The following ADCY8 variants were observed in gnomAD, a reference collection of about 807,000 sequenced individuals.
The protein encoded by ADCY8 is adenylate cyclase type 8.
Under a neutral mutation model 119.7 loss-of-function variants are expected in ADCY8, and 51 were observed. The observed-to-expected ratio is 0.43, with a 90% CI of 0.34 to 0.54. The LOEUF (loss-of-function observed/expected upper bound fraction) is 0.54. Among genes scored for constraint, ADCY8 ranks in the 20% least tolerant of loss-of-function variants. The probability of loss-of-function intolerance (pLI) is 0.03; values close to 1 mark genes in which losing one functional copy is unlikely to be tolerated. For missense variants in ADCY8, 1,383 were observed against 1,598.8 expected, an observed-to-expected ratio of 0.87 and a Z score of 2.30; for synonymous variants, 665 against 651.0, an observed-to-expected ratio of 1.02 and a Z score of -0.33.
At chr8:130,990,655 A>G in intron 1 of ADCY8, 113 bp from the exon 2 acceptor site, 9 of 1,345,756 alleles carry the variant, frequency 6.7e-6, no homozygotes, top group Non-Finnish European at 9.2e-6. Context: ...AGTAATCCAT[A>G]TGTTTAATCG....
At chr8:130,913,442 T>C (rs1820039589) in intron 5 of ADCY8, among the ~76,000 whole-genome samples, 1 of 152,260 alleles carries the variant, frequency 6.6e-6, no homozygotes, top group South Asian at 2.1e-4. Context: ...AAACATGTGA[T>C]GTTTGTCTGG....
intron 9 of ADCY8, among the ~76,000 whole-genome samples, chr8:130,853,333 C>T (rs979809775): frequency 6.6e-6 from 1 of 152,236 alleles, no homozygotes; most frequent in African/African-American, 2.4e-5. Context: ...CCACAGATGG[C>T]ACCGTCTCAG....
intron 5 of ADCY8, among the ~76,000 whole-genome samples, chr8:130,923,008 T>C (rs927944157): frequency 2.6e-5 from 4 of 152,232 alleles, no homozygotes; most frequent in African/African-American, 9.6e-5. Flanking sequence ...TGGCAAACAT[T>C]CTATCAATAT....
Position 130,903,975 on chromosome 8 carries a change from C to T in ADCY8, c.1708G>A (p.Gly570Ser), listed in dbSNP as rs1284758146. 1 of 1,614,150 alleles carries T rather than the reference C, an allele frequency of 6.2e-7. No homozygotes were observed. The highest frequency in any genetic ancestry group is 8.5e-7 in the Non-Finnish European group (1 of 1,180,006). The change falls in exon 7 of 18, where the codon GGT becomes AGT. Residue 570 changes from glycine to serine, a missense_variant. Gly to Ser is a moderately conservative substitution (Grantham distance 56). Around this residue, in one of 2 missense-constraint regions of ADCY8, gnomAD observed 928 missense variants for 1,163.5 expected, o/e 0.80. Transcript: ENST00000286355. ...NGDYNVEEGH[G>S]KERNEFLRKH... ...CTCAGGAATTCATTCCTCTCTTTAC[C>T]ATGGCCCTCTTCCACGTTATAGTCA...
chr8:131,026,150 A>C (rs574675901), intron 1 of ADCY8, among the ~76,000 whole-genome samples: 56 of 152,316 alleles, frequency 3.7e-4, no homozygotes, highest in African/African-American at 1.3e-3. Context: ...GCTAACCCTA[A>C]GGTGATGGAA....
chr8:131,037,890 T>C (rs35361060), intron 1 of ADCY8, among the ~76,000 whole-genome samples: 13,360 of 152,222 alleles, frequency 0.088, 1,048 homozygotes, highest in African/African-American at 0.21. Flanking sequence ...AGGTTCATGG[T>C]GACTGTGATA....
At chr8:131,026,947 C>T (rs986083034) in intron 1 of ADCY8, among the ~76,000 whole-genome samples, 1 of 152,146 alleles carries the variant, frequency 6.6e-6, no homozygotes, top group African/African-American at 2.4e-5. Flanking sequence ...AAGATTGAGG[C>T]TCTTGTCAGT....
chr8:130,845,928 G>C (rs765668439), intron 11 of ADCY8, among the ~76,000 whole-genome samples: 1 of 152,170 alleles, frequency 6.6e-6, no homozygotes, highest in South Asian at 2.1e-4. Context: ...AACCAGCACT[G>C]AGCAAGCTGC....
intron 1 of ADCY8, among the ~76,000 whole-genome samples, chr8:131,003,883 G>C (rs1823031317): frequency 6.6e-6 from 1 of 152,100 alleles, no homozygotes; most frequent in African/African-American, 2.4e-5. Flanking sequence ...AGGAGGTGGA[G>C]GAGGAGAAGA....
chr8:130,786,706 A>G (rs1563663665), intron 15 of ADCY8, among the ~76,000 whole-genome samples: 1 of 152,222 alleles, frequency 6.6e-6, no homozygotes, highest in Admixed American at 6.5e-5. Flanking sequence ...TCAGATGTTA[A>G]AAATAAATAC....
intron 15 of ADCY8, among the ~76,000 whole-genome samples, chr8:130,793,957 G>A (rs540219869): frequency 7.6e-4 from 115 of 152,302 alleles, no homozygotes; most frequent in African/African-American, 2.7e-3. Flanking sequence ...AATTTTTAAA[G>A]CTAAGAAGAG....
chr8:130,884,935 C>T (rs1396985070), intron 7 of ADCY8, among the ~76,000 whole-genome samples, 174 bp from the exon 8 acceptor site: 1 of 152,070 alleles, frequency 6.6e-6, no homozygotes, highest in African/African-American at 2.4e-5. Context: ...AGAAATACAA[C>T]CTGGCAAAAT....
At chr8:130,837,829 A>C (rs566766389) in intron 11 of ADCY8, among the ~76,000 whole-genome samples, 1 of 152,370 alleles carries the variant, frequency 6.6e-6, no homozygotes, top group South Asian at 2.1e-4. Context: ...GGGAGTCATA[A>C]TTCCTATTTT....
chr8:130,986,949 G>C (rs1563756577), intron 2 of ADCY8, among the ~76,000 whole-genome samples: 1 of 152,126 alleles, frequency 6.6e-6, no homozygotes, highest in Non-Finnish European at 1.5e-5. Context: ...TAGGTCATAC[G>C]TATCTTGTCA....
chr8:131,008,192 A>C lies in ADCY8; in HGVS notation c.961-17650T>G, dbSNP rs181527154. On this transcript the variant is annotated intron_variant, in intron 1 of 17. Coordinates refer to ENST00000286355, the MANE Select transcript of ADCY8 (RefSeq NM_001115.3). ...AGGATGCTGAAGCAAAGACAAGTTA[A>C]GTAACTTGCTTCAGCTCACCCCTCC... Among the ~76,000 whole-genome samples, 5 of 152,312 alleles carry C rather than the reference A, an allele frequency of 3.3e-5. No homozygotes were observed. In the East Asian group the frequency reaches 9.6e-4, roughly 29 times the overall value.
At chr8:130,832,951 C>A (rs758287452) in intron 12 of ADCY8, among the ~76,000 whole-genome samples, 2 of 152,158 alleles carry the variant, frequency 1.3e-5, no homozygotes, top group Non-Finnish European at 2.9e-5. Flanking sequence ...AGCCAAAGAC[C>A]CAGCTTATTC....
chr8:130,862,887 T>C (rs79748003), intron 9 of ADCY8, among the ~76,000 whole-genome samples: 9,007 of 152,272 alleles, frequency 0.059, 409 homozygotes, highest in East Asian at 0.27. Context: ...TTTAAATTTA[T>C]GAAGGTGTAT....
intron 14 of ADCY8, among the ~76,000 whole-genome samples, chr8:130,805,491 A>ATATG (rs1815919135): frequency 6.6e-6 from 1 of 152,242 alleles, no homozygotes; most frequent in Non-Finnish European, 1.5e-5. Flanking sequence ...GCTTGAAGAA[A>ATATG]TATGACCTGA....
chr8:130,873,109 A>T lies in ADCY8; in HGVS notation c.2110-5163T>A, dbSNP rs73717222. Among the ~76,000 whole-genome samples the T allele has an allele frequency of 4.1e-3, 632 of 152,336 alleles. 1 individual carries two copies. The highest frequency in any genetic ancestry group is 0.015 in the African/African-American group (617 of 41,574). On this transcript the variant is annotated intron_variant, in intron 8 of 17. Coordinates refer to ENST00000286355, the MANE Select transcript of ADCY8 (RefSeq NM_001115.3). Reference sequence around the variant, plus strand: ...AAGTTCGTTTACAGAGGTGATGGACAGAGCTTCCAGCCTTCCATGTTTCCA... The same window carrying T: ...AAGTTCGTTTACAGAGGTGATGGACTGAGCTTCCAGCCTTCCATGTTTCCA...
Sources: gnomAD v4.1 joint callset for allele counts (sites outside exome capture counted in the v4.1 genomes callset) on GRCh38, gnomAD v4.1.1 for gene constraint, gnomAD v4.1.1 regional missense constraint, MANE v1.5 for transcripts, NCBI Gene and HGNC (gene_info 2026-07-23, HGNC 2026-07-21) for gene names.